CACNA1C: variants seen among roughly 807,000 people sequenced by gnomAD.
CACNA1C encodes calcium voltage-gated channel subunit alpha1 C, also known as voltage-dependent L-type calcium channel subunit alpha-1C.
In CACNA1C, 30 loss-of-function variants were observed where a neutral mutation model predicts 229.0. The ratio of observed to expected loss-of-function variants is 0.13; its 90% CI spans 0.10 to 0.18. CACNA1C has a LOEUF of 0.18. Among genes scored for constraint, CACNA1C ranks in the 10% least tolerant of loss-of-function variants. The probability of loss-of-function intolerance (pLI) is 1.00; values close to 1 mark genes in which losing one functional copy is unlikely to be tolerated. For missense variants in CACNA1C, 1,658 were observed against 2,845.0 expected, an observed-to-expected ratio of 0.58 and a Z score of 9.49; for synonymous variants, 1,114 against 1,132.5, an observed-to-expected ratio of 0.98 and a Z score of 0.33.
intron 3 of CACNA1C, among the ~76,000 whole-genome samples, chr12:2,386,722 C>T (rs1409316896): frequency 1.3e-5 from 2 of 152,192 alleles, no homozygotes; most frequent in African/African-American, 4.8e-5. Flanking sequence ...TCTCTATCTC[C>T]ACCCCCATTA....
chr12:2,384,758 G>A (rs1345620146), intron 3 of CACNA1C, among the ~76,000 whole-genome samples: 2 of 152,208 alleles, frequency 1.3e-5, no homozygotes, highest in Non-Finnish European at 2.9e-5. Flanking sequence ...TAGAGGCACT[G>A]CAGGGACAGA....
At chr12:2,669,586 CCT>C (rs2096441663) in intron 38 of CACNA1C, among the ~76,000 whole-genome samples, 2 of 152,280 alleles carry the variant, frequency 1.3e-5, no homozygotes, top group South Asian at 4.2e-4. Flanking sequence ...AGGACCAACC[CCT>C]GTCTAAAAGA....
intron 3 of CACNA1C, among the ~76,000 whole-genome samples, chr12:2,328,152 A>AG (rs1300627854): frequency 6.6e-6 from 1 of 152,152 alleles, no homozygotes; most frequent in Non-Finnish European, 1.5e-5. Flanking sequence ...GAGAGTAGAG[A>AG]GGGTGCTGGC....
At position 2,420,102 on chromosome 12, in the gene CACNA1C, G is replaced by GGTGTGTGTGTGTGTGTGTGTGTGTGT. The variant is rs564990323; in HGVS notation, c.478-28853_478-28828dup. 2.8e-3 allele frequency among the ~76,000 whole-genome samples: 353 copies of GGTGTGTGTGTGTGTGTGTGTGTGTGT among 125,482 alleles called. 4 individuals carry two copies. The highest frequency in any genetic ancestry group is 5.9e-3 in the African/African-American group (169 of 28,582). 82.3% of individuals were successfully genotyped at this position (125,482 alleles called of 152,430 possible). A position where few individuals can be genotyped will look rare whatever the true frequency, so the allele number is the denominator to read the frequency against. On this transcript the variant is annotated intron_variant, in intron 3 of 46. Transcript: ENST00000399655. Reference sequence around the variant, plus strand: ...CAGGGTAATCAGACTTAGGCAAAATGGTGTGTGTGTGTGTGTGTGTGTGTG... The same window carrying GGTGTGTGTGTGTGTGTGTGTGTGTGT: ...CAGGGTAATCAGACTTAGGCAAAATGGTGTGTGTGTGTGTGTGTGTGTGTGTGTGTGTGTGTGTGTGTGTGTGTGTG...
rs953763634 is a variant in CACNA1C at position 2,403,811 on chromosome 12, A to G, written c.478-45165A>G. Among the ~76,000 whole-genome samples, 9 of 152,094 alleles carry G rather than the reference A, an allele frequency of 5.9e-5. No individual in the cohort carries two copies. Among genetic ancestry groups the G allele is most frequent in the African/African-American group, 1.9e-4 (8 of 41,424 alleles). On this transcript the variant is annotated intron_variant, in intron 3 of 46. Coordinates refer to ENST00000399655, the MANE Select transcript of CACNA1C (RefSeq NM_000719.7). This position sits in a 1 kb window ranked among gnomAD's most constrained non-coding sequence, Gnocchi z 4.1. ...TCGGTGCCTTTCCCACCACAAGATG[A>G]CGAAGATGTGGTGTTGACAGACTGC...
chr12:2,358,497 C>T (rs1594018521), intron 3 of CACNA1C, among the ~76,000 whole-genome samples: 1 of 152,118 alleles, frequency 6.6e-6, no homozygotes, highest in East Asian at 1.9e-4. Context: ...GTGGCAGTAA[C>T]AGGAATTAAC....
chr12:2,194,301 ACCTCCTCTGCCTCCTCCCG>A (rs1566293906), intron 3 of CACNA1C, among the ~76,000 whole-genome samples: 6 of 115,374 alleles, frequency 5.2e-5, no homozygotes, highest in Non-Finnish European at 9.1e-5. Context: ...CTCCTCCTAC[ACCTCCTCTGCCTCCTCCCG>A]TTCCTCCTCC....
chr12:2,286,223 T>G (rs1367913183), intron 3 of CACNA1C, among the ~76,000 whole-genome samples: 1 of 152,252 alleles, frequency 6.6e-6, no homozygotes, highest in Admixed American at 6.5e-5. Context: ...ACCTTCCATT[T>G]AGAGTTAATG....
chr12:2,249,611 C>T (rs1449253167), intron 3 of CACNA1C, among the ~76,000 whole-genome samples: 10 of 152,184 alleles, frequency 6.6e-5, no homozygotes, highest in Admixed American at 5.2e-4. Flanking sequence ...CACATTAGCT[C>T]TGTGAAGTGG....
intron 1 of CACNA1C, among the ~76,000 whole-genome samples, chr12:2,075,417 T>G (rs2062839481): frequency 6.6e-6 from 1 of 152,204 alleles, no homozygotes; most frequent in African/African-American, 2.4e-5. Context: ...TTTACATTTA[T>G]GGAAACCCAT....
At position 2,596,053 on chromosome 12, in the gene CACNA1C, G is replaced by C. The variant is rs187717732; in HGVS notation, c.2793+50G>C. 8 of 1,543,154 alleles carry C rather than the reference G, an allele frequency of 5.2e-6. No individual in the cohort carries two copies. The East Asian group carries it at 1.9e-4, about 36-fold the overall frequency. ...ACTCCTTCCCCCTGGGGCTGTGCCAGGCCCACAGCTTCTGTTGCTGACATC... is the reference window on the plus strand; with the variant it reads ...ACTCCTTCCCCCTGGGGCTGTGCCACGCCCACAGCTTCTGTTGCTGACATC... On this transcript the variant is annotated intron_variant, in intron 20 of 46. Coordinates refer to ENST00000399655, the MANE Select transcript of CACNA1C (RefSeq NM_000719.7).
chr12:2,645,113 T>C (rs1182817114), intron 30 of CACNA1C, among the ~76,000 whole-genome samples: 1 of 152,210 alleles, frequency 6.6e-6, no homozygotes, highest in African/African-American at 2.4e-5. Flanking sequence ...GATGAAAGAA[T>C]TGGCTGCTCA....
chr12:2,256,047 C>CAATCACACGACCCTGACCTGACTAG (rs2077475642), intron 3 of CACNA1C, among the ~76,000 whole-genome samples: 12 of 18,948 alleles, frequency 6.3e-4, no homozygotes, highest in South Asian at 2.8e-3. Flanking sequence ...GACCTGACTA[C>CAATCACACGACCCTGACCTGACTAG]TTTACAATCA....
At chr12:2,082,947 T>C (rs757462139) in intron 1 of CACNA1C, among the ~76,000 whole-genome samples, 1 of 152,184 alleles carries the variant, frequency 6.6e-6, no homozygotes, top group Non-Finnish European at 1.5e-5. Context: ...GAAAATAGTT[T>C]TTTGGTGGTG....
intron 3 of CACNA1C, among the ~76,000 whole-genome samples, chr12:2,228,298 A>G (rs2063630737): frequency 6.6e-6 from 1 of 152,194 alleles, no homozygotes; most frequent in Non-Finnish European, 1.5e-5. Flanking sequence ...TGACACGTGT[A>G]TACTCTTTTA....
chr12:2,667,979 T>A (rs1018450169), intron 37 of CACNA1C, among the ~76,000 whole-genome samples: 1 of 152,218 alleles, frequency 6.6e-6, no homozygotes, highest in African/African-American at 2.4e-5. Context: ...AAGCCTGTTC[T>A]GGGGGTGTGT....
intron 9 of CACNA1C, among the ~76,000 whole-genome samples, chr12:2,526,585 C>G (rs772038116): frequency 1.1e-4 from 16 of 152,216 alleles, no homozygotes; most frequent in Non-Finnish European, 2.1e-4. Flanking sequence ...CCTCCTGCAC[C>G]CAGTTTGATT....
chr12:1,978,674 A>G (rs1336836536), intron 1 of CACNA1C, among the ~76,000 whole-genome samples: 1 of 152,042 alleles, frequency 6.6e-6, no homozygotes, highest in East Asian at 1.9e-4. Context: ...CAACAACCAC[A>G]CCCCACTTCC....
In CACNA1C at chr12:2,595,468, C is replaced by T. The variant is rs998139423; in HGVS notation, c.2664-406C>T. ...CAGGAGCAGATCACCTACAGAGAGC[C>T]GGTTTGGCTGGCCTCTCAGCATACC... On this transcript the variant is annotated intron_variant, in intron 19 of 46. Coordinates refer to ENST00000399655, the MANE Select transcript of CACNA1C (RefSeq NM_000719.7). The surrounding 1 kb of genome is among the most constrained non-coding windows in gnomAD (Gnocchi z 4.1). Among the ~76,000 whole-genome samples the T allele has an allele frequency of 2.6e-5, 4 of 152,064 alleles. No individual in the cohort carries two copies. Among genetic ancestry groups the T allele is most frequent in the South Asian group, 2.1e-4 (1 of 4,826 alleles).
Sources: allele counts gnomAD v4.1 joint callset (sites outside exome capture counted in the v4.1 genomes callset), GRCh38; gene constraint gnomAD v4.1.1; non-coding constraint Gnocchi (gnomAD v3.1); transcripts MANE v1.5; gene names NCBI Gene and HGNC (gene_info 2026-07-23, HGNC 2026-07-21).